FLNB: variants seen among roughly 807,000 people sequenced by gnomAD.
FLNB encodes the protein filamin B.
FLNB carries 111 observed loss-of-function variants against 250.6 expected under a neutral mutation model. The observed-to-expected ratio is 0.44, with a 90% CI of 0.38 to 0.52. The LOEUF (loss-of-function observed/expected upper bound fraction) is 0.52, where lower values mean the gene tolerates loss of function less well. Ranked by LOEUF, FLNB falls within the 20% of genes least tolerant of loss-of-function variation. The pLI, the probability that FLNB is intolerant of heterozygous loss-of-function variation, is 0.00. For synonymous variants in FLNB, 1,302 were observed against 1,372.1 expected (o/e 0.95, Z 1.13); for missense variants, 2,869 against 3,447.8 (o/e 0.83, Z 4.20).
chr3:58,065,939 T>G (rs2097184923), intron 1 of FLNB, among the ~76,000 whole-genome samples: 1 of 152,172 alleles, frequency 6.6e-6, no homozygotes, highest in African/African-American at 2.4e-5. Flanking sequence ...AGACACAGAC[T>G]GCCATCAGGC....
intron 5 of FLNB, among the ~76,000 whole-genome samples, chr3:58,095,482 C>G (rs2097236913): frequency 6.6e-6 from 1 of 152,150 alleles, no homozygotes; most frequent in Non-Finnish European, 1.5e-5. Flanking sequence ...TCTTGAACTC[C>G]TGACCTCAGG....
intron 42 of FLNB, among the ~76,000 whole-genome samples, chr3:58,160,984 A>G (rs9817209): frequency 0.2 from 30,679 of 152,138 alleles, 3,596 homozygotes; most frequent in Middle Eastern, 0.34. Flanking sequence ...CCCTGTCTCA[A>G]AAAGAAAGAA....
chr3:58,068,335 A>T (rs1035080909), intron 1 of FLNB, among the ~76,000 whole-genome samples: 59 of 152,274 alleles, frequency 3.9e-4, no homozygotes, highest in African/African-American at 1.4e-3. Context: ...GCAGGAGGAG[A>T]TAAGCCAGCT....
rs748953839 is a variant in FLNB, at chr3:58,148,383, C to A, written c.5887+19C>A. ...CACATTGGTGAGCTAGGCTACCCTT[C>A]CTGGCTGGAGCCAGGACATCTTGGG... On this transcript the variant is annotated intron_variant, in intron 35 of 45. Transcript: ENST00000295956. 1 of 1,610,714 alleles carries A rather than the reference C, an allele frequency of 6.2e-7. No homozygotes were observed. Among genetic ancestry groups the A allele is most frequent in the Non-Finnish European group, 8.5e-7 (1 of 1,178,630 alleles).
rs767618168 is a variant in FLNB, at chr3:58,125,688, C to A, written c.4006C>A (p.Pro1336Thr). 32 of 1,614,146 alleles carry A rather than the reference C, an allele frequency of 2.0e-5. No homozygotes were observed. Among genetic ancestry groups the A allele is most frequent in the Non-Finnish European group, 2.5e-5 (30 of 1,180,024 alleles). The change falls in exon 23 of 46, where the codon CCT becomes ACT. Residue 1336 changes from proline (P) to threonine (T), a missense_variant. By Grantham distance (38) the Pro-to-Thr change is conservative. Around this residue, in one of 5 missense-constraint regions of FLNB, gnomAD observed 1,348 missense variants for 1,466.7 expected, o/e 0.92. Transcript: ENST00000295956. ...GCCATCTAGGGTGCAAGCCCAAGGACCTGGATTGAAAGAGGCCTTTACCAA... is the reference window on the plus strand; with the variant it reads ...GCCATCTAGGGTGCAAGCCCAAGGAACTGGATTGAAAGAGGCCTTTACCAA... ...CQPSRVQAQGPGLKEAFTNKP... is the reference protein window; with the variant it reads ...CQPSRVQAQGTGLKEAFTNKP...
chr3:58,009,646 G>A (rs1368139566), intron 1 of FLNB, among the ~76,000 whole-genome samples: 3 of 152,198 alleles, frequency 2.0e-5, no homozygotes, highest in Non-Finnish European at 2.9e-5. Flanking sequence ...TCTGGGGTGA[G>A]GCTAGACCCA....
At chr3:58,081,479 G>C (rs918960166) in intron 3 of FLNB, 150 bp from the exon 4 acceptor site, 1 of 834,666 alleles carries the variant, frequency 1.2e-6, no homozygotes, top group Non-Finnish European at 2.0e-6. Flanking sequence ...CACTGATATT[G>C]GTGTGTTGGT....
rs373528171 is a variant in FLNB, at chr3:58,136,024, G to A, written c.4717G>A (p.Asp1573Asn). ...AAGAGCCATTGTCCATGACAATAAA[G>A]ATGGCACGTATGCTGTCACCTACAT... The part of the protein sequence containing the change: ...PKRAIVHDNK[D>N]GTYAVTYIPD... Residue 1573 changes from aspartate (D) to asparagine (N), a missense_variant, in exon 28 of 46, where the codon GAT (aspartate) becomes AAT (asparagine). Around this residue, in one of 5 missense-constraint regions of FLNB, gnomAD observed 126 missense variants for 182.0 expected, o/e 0.69. Transcript: ENST00000295956. 1.2e-5 allele frequency: 19 copies of A among 1,614,102 alleles called. No homozygotes were observed. The highest frequency in any genetic ancestry group is 1.5e-5 in the Non-Finnish European group (18 of 1,180,052).
chr3:58,147,176 T>C (rs932474343), intron 34 of FLNB, among the ~76,000 whole-genome samples, 183 bp downstream of exon 34: 1 of 152,266 alleles, frequency 6.6e-6, no homozygotes, highest in Non-Finnish European at 1.5e-5. Context: ...CTTCTCTTGC[T>C]GATAATCCAG....
Position 58,154,573 on chromosome 3 carries a change from A to C in FLNB, c.6635-218A>C, listed in dbSNP as rs1325986062. On this transcript the variant is annotated intron_variant, in intron 39 of 45. Coordinates refer to ENST00000295956, the MANE Select transcript of FLNB (RefSeq NM_001457.4). ...AAAAAAAAAAAAAAGACATGTCTTC[A>C]GAGGACTCCAGATGTCCTGTGAATT... 3 of 536,570 alleles carry C rather than the reference A, an allele frequency of 5.6e-6. No individual in the cohort carries two copies. In the African/African-American group the frequency reaches 5.8e-5, roughly 10 times the overall value. The allele number at this position is 536,570 out of a possible 1,614,324, so 33.2% of individuals were successfully genotyped here. A position where few individuals can be genotyped will look rare whatever the true frequency, so the allele number is the denominator to read the frequency against.
chr3:58,050,021 C>CTTTTT (rs34910480), intron 1 of FLNB, among the ~76,000 whole-genome samples: 6 of 130,480 alleles, frequency 4.6e-5, no homozygotes, highest in Non-Finnish European at 6.6e-5. Context: ...TAGAAAATGC[C>CTTTTT]TTTTTTTTTT....
rs747825411 is a variant in FLNB, at chr3:58,103,961, G to A, written c.1486G>A (p.Gly496Ser). The A allele has an allele frequency of 2.5e-6, 4 of 1,614,058 alleles. No individual in the cohort carries two copies. The highest frequency in any genetic ancestry group is 2.5e-6 in the Non-Finnish European group (3 of 1,179,984). The part of the protein sequence containing the change: ...ELGVTMKGPK[G>S]LEELVKQKDF... The stretch of plus-strand genomic sequence containing the variant: ...GATTATCTCCTTCCTTCCCACAGAG[G>A]GTCTGGAGGAGCTGGTGAAGCAGAA... Residue 496 changes from glycine to serine, a missense_variant and splice_region_variant, in exon 10 of 46, where the codon GGT becomes AGT. By Grantham distance (56) the Gly-to-Ser change is moderately conservative. This residue lies in a region of FLNB where 1,348 missense variants were observed against 1,466.7 expected (regional missense o/e 0.92). Transcript: ENST00000295956.
Position 58,008,493 on chromosome 3 carries a change from C to T in FLNB, c.-72C>T. On this transcript the variant is annotated 5_prime_UTR_variant, in exon 1 of 46. Transcript: ENST00000295956. ...CTCCCGCTCCGCTTCGGTTCTCGCT[C>T]CTTCGGCCCTTGGGCCTCCAAACAC... is the stretch of plus-strand genomic sequence containing the variant. The T allele has an allele frequency of 6.6e-7, 1 of 1,515,998 alleles. No individual in the cohort carries two copies. Among genetic ancestry groups the T allele is most frequent in the Non-Finnish European group, 9.0e-7 (1 of 1,116,668 alleles). 93.9% of individuals were successfully genotyped at this position (1,515,998 alleles called of 1,614,324 possible).
intron 43 of FLNB, 168 bp downstream of exon 43, chr3:58,163,498 G>A (rs1341724299): frequency 2.1e-5 from 14 of 655,704 alleles, no homozygotes; most frequent in Admixed American, 7.7e-5. Context: ...TGGGAGTTGC[G>A]GTTTGACCCA....
Position 58,121,240 on chromosome 3 carries a change from G to C in FLNB, c.2864-1G>C. 1 of 1,614,194 alleles carries C rather than the reference G, an allele frequency of 6.2e-7. No homozygotes were observed. The highest frequency in any genetic ancestry group is 8.5e-7 in the Non-Finnish European group (1 of 1,180,040). On this transcript the variant is annotated splice_acceptor_variant, in intron 19 of 45. Transcript: ENST00000295956. LOFTEE classifies it high-confidence loss of function. ...CACCTCAGCTTGTGTTTCTTTTCCAGGGGTGGAAGTTGGGAAGGATCAGGA... is the reference window on the plus strand; with the variant it reads ...CACCTCAGCTTGTGTTTCTTTTCCACGGGTGGAAGTTGGGAAGGATCAGGA...
intron 4 of FLNB, among the ~76,000 whole-genome samples, chr3:58,083,338 A>G (rs1413856277): frequency 2.0e-5 from 3 of 148,388 alleles, no homozygotes; most frequent in Admixed American, 6.7e-5. Context: ...CTTTGAATAA[A>G]GTATTTTCCT....
In FLNB at chr3:58,147,127, G is replaced by A. The variant is rs1188434594; in HGVS notation, c.5728+134G>A. The A allele has an allele frequency of 5.9e-6, 5 of 854,424 alleles. No individual in the cohort carries two copies. The Admixed American group carries it at 1.3e-4, about 22-fold the overall frequency. The allele number at this position is 854,424 out of a possible 1,614,324, so 52.9% of individuals were successfully genotyped here. A position where few individuals can be genotyped will look rare whatever the true frequency, so the allele number is the denominator to read the frequency against. On this transcript the variant is annotated intron_variant, in intron 34 of 45. Coordinates refer to ENST00000295956, the MANE Select transcript of FLNB (RefSeq NM_001457.4). ...AGGTTTCACAGAGACTTGTTGAGGA[G>A]GAGCAGGGGATGGAATGCAATTTTG...
intron 1 of FLNB, among the ~76,000 whole-genome samples, chr3:58,044,195 G>A (rs926046963): frequency 2.6e-5 from 4 of 152,174 alleles, no homozygotes; most frequent in African/African-American, 9.7e-5. Flanking sequence ...ATCTGGGTGG[G>A]TGGAGTCTGT....
In FLNB at chr3:58,169,458, G is replaced by A; in HGVS notation, c.7418-132G>A. ...AAGACATTATGGGTGTGAGATACAG[G>A]TGTGGTGGCTTTTGTGTTGGGGTGC... On this transcript the variant is annotated intron_variant, in intron 44 of 45. Transcript: ENST00000295956. This position sits in a 1 kb window ranked among gnomAD's most constrained non-coding sequence, Gnocchi z 4.8. 1 of 748,024 alleles carries A rather than the reference G, an allele frequency of 1.3e-6. No individual in the cohort carries two copies. The highest frequency in any genetic ancestry group is 2.4e-6 in the Non-Finnish European group (1 of 409,240). The allele number at this position is 748,024 out of a possible 1,614,324, so 46.3% of individuals were successfully genotyped here. A position where few individuals can be genotyped will look rare whatever the true frequency, so the allele number is the denominator to read the frequency against.
Sources: allele counts gnomAD v4.1 joint callset (sites outside exome capture counted in the v4.1 genomes callset), GRCh38; gene constraint gnomAD v4.1.1; regional missense constraint gnomAD v4.1.1; non-coding constraint Gnocchi (gnomAD v3.1); transcripts MANE v1.5; gene names NCBI Gene and HGNC (gene_info 2026-07-23, HGNC 2026-07-21).